The following NKAIN2 variants were observed in gnomAD, a reference collection of about 807,000 sequenced individuals.
NKAIN2 encodes sodium/potassium-transporting ATPase subunit beta-1-interacting protein 2.
A neutral mutation model predicts 32.6 loss-of-function variants in NKAIN2; 14 were observed. The observed-to-expected ratio is 0.43, with a 90% confidence interval of 0.28 to 0.67. NKAIN2 has a LOEUF of 0.67. Among genes scored for constraint, NKAIN2 ranks in the 30% least tolerant of loss-of-function variants. The probability of loss-of-function intolerance (pLI) is 0.17; values close to 1 mark genes in which losing one functional copy is unlikely to be tolerated. For synonymous variants in NKAIN2, 80 were observed against 87.2 expected, an observed-to-expected ratio of 0.92 and a Z score of 0.46; for missense variants, 198 against 258.3, an observed-to-expected ratio of 0.77 and a Z score of 1.60.
At chr6:124,015,253 A>G (rs1422332447) in intron 1 of NKAIN2, among the ~76,000 whole-genome samples, 1 of 152,200 alleles carries the variant, frequency 6.6e-6, no homozygotes, top group Admixed American at 6.5e-5. Flanking sequence ...TAAGCCAACC[A>G]TTATTAATCC....
chr6:123,909,551 T>C (rs922394147), intron 1 of NKAIN2, among the ~76,000 whole-genome samples: 1 of 152,152 alleles, frequency 6.6e-6, no homozygotes, highest in Admixed American at 6.5e-5. Flanking sequence ...TGCTTCTTCC[T>C]CTATAGGGAC....
chr6:124,162,164 C>T (rs1788313455), intron 1 of NKAIN2, among the ~76,000 whole-genome samples: 1 of 151,866 alleles, frequency 6.6e-6, no homozygotes. Context: ...CATCAGTGCC[C>T]TTGGTGGTGA....
At chr6:124,218,580 C>T (rs1284427129) in intron 1 of NKAIN2, among the ~76,000 whole-genome samples, 1 of 152,136 alleles carries the variant, frequency 6.6e-6, no homozygotes, top group East Asian at 1.9e-4. Flanking sequence ...GAAAATCAGT[C>T]TACCAACTAC....
chr6:124,583,202 A>G (rs1404446486), intron 3 of NKAIN2, among the ~76,000 whole-genome samples: 2 of 146,396 alleles, frequency 1.4e-5, no homozygotes, highest in Middle Eastern at 3.2e-3. Context: ...GTATGATCTT[A>G]TAATTGGTAA....
intron 3 of NKAIN2, among the ~76,000 whole-genome samples, chr6:124,387,026 C>G (rs1291008758): frequency 6.6e-6 from 1 of 152,070 alleles, no homozygotes; most frequent in Non-Finnish European, 1.5e-5. Flanking sequence ...CAGAGTAGAT[C>G]CTTTTCATAC....
chr6:123,920,801 A>G (rs1397569251), intron 1 of NKAIN2, among the ~76,000 whole-genome samples: 3 of 152,236 alleles, frequency 2.0e-5, no homozygotes, highest in African/African-American at 4.8e-5. Flanking sequence ...CAAGAAATGA[A>G]TCATATCTGC....
At chr6:124,670,335 G>A (rs1001046277) in intron 4 of NKAIN2, among the ~76,000 whole-genome samples, 3 of 151,916 alleles carry the variant, frequency 2.0e-5, no homozygotes, top group African/African-American at 7.3e-5. Flanking sequence ...TCTTCCCTCT[G>A]TACAGATGAG....
At chr6:123,928,213 A>T (rs1198997461) in intron 1 of NKAIN2, among the ~76,000 whole-genome samples, 1 of 152,124 alleles carries the variant, frequency 6.6e-6, no homozygotes, top group Non-Finnish European at 1.5e-5. Flanking sequence ...GTACTCATGG[A>T]CATAAAGATG....
chr6:123,888,843 T>A (rs1014547491), intron 1 of NKAIN2, among the ~76,000 whole-genome samples: 2 of 152,184 alleles, frequency 1.3e-5, no homozygotes, highest in African/African-American at 4.8e-5. Context: ...AAAAACAGCC[T>A]GAGGCTTAAC....
chr6:124,079,504 T>C (rs1783851524), intron 1 of NKAIN2, among the ~76,000 whole-genome samples: 1 of 152,172 alleles, frequency 6.6e-6, no homozygotes, highest in Admixed American at 6.6e-5. Context: ...CCTGGGTATC[T>C]GTGTGTTTGT....
chr6:124,412,835 C>T (rs1774269670), intron 3 of NKAIN2, among the ~76,000 whole-genome samples: 1 of 152,214 alleles, frequency 6.6e-6, no homozygotes, highest in Non-Finnish European at 1.5e-5. Context: ...GTTCGAGCTT[C>T]CTGGCTGCTT....
chr6:124,425,210 C>A (rs139304662), intron 3 of NKAIN2, among the ~76,000 whole-genome samples: 3 of 152,002 alleles, frequency 2.0e-5, no homozygotes, highest in African/African-American at 7.2e-5. Context: ...GTTACATGAA[C>A]ATTGAAGAAA....
intron 3 of NKAIN2, among the ~76,000 whole-genome samples, chr6:124,558,065 A>G (rs893507057): frequency 6.6e-6 from 1 of 152,236 alleles, no homozygotes; most frequent in Non-Finnish European, 1.5e-5. Flanking sequence ...AAATCCATTA[A>G]CTGTTCTCTC....
At chr6:124,343,602 T>C (rs1798251372) in intron 2 of NKAIN2, among the ~76,000 whole-genome samples, 1 of 152,012 alleles carries the variant, frequency 6.6e-6, no homozygotes, top group Non-Finnish European at 1.5e-5. Flanking sequence ...CATGTTTTCA[T>C]GTGTCTTTTG....
At chr6:123,925,038 C>G (rs1034922699) in intron 1 of NKAIN2, among the ~76,000 whole-genome samples, 1 of 151,948 alleles carries the variant, frequency 6.6e-6, no homozygotes, top group East Asian at 1.9e-4. Flanking sequence ...TACCAGAATA[C>G]AATATTTCAG....
rs187307443 is a variant in NKAIN2, at chr6:124,698,389, T to C, written c.474+40003T>C. Among the ~76,000 whole-genome samples, 35 of 152,282 alleles carry C rather than the reference T, an allele frequency of 2.3e-4. No individual in the cohort carries two copies. The East Asian group carries it at 5.4e-3, about 24-fold the overall frequency. Reference sequence around the variant, plus strand: ...CAGCTCCAGGGAAAATATGAAAGGCTTGGGAAGGAGTAGTGAAAGTCTGTG... The same window carrying C: ...CAGCTCCAGGGAAAATATGAAAGGCCTGGGAAGGAGTAGTGAAAGTCTGTG... On this transcript the variant is annotated intron_variant, in intron 4 of 6. Coordinates refer to ENST00000368417, the MANE Select transcript of NKAIN2 (RefSeq NM_001040214.3).
At chr6:124,519,347 C>A (rs1047868221) in intron 3 of NKAIN2, among the ~76,000 whole-genome samples, 12 of 152,092 alleles carry the variant, frequency 7.9e-5, no homozygotes, top group Non-Finnish European at 1.6e-4. Context: ...TCCAGGCTGA[C>A]CATCAATGAG....
intron 3 of NKAIN2, among the ~76,000 whole-genome samples, chr6:124,515,325 G>A (rs1050205036): frequency 2.0e-5 from 3 of 151,904 alleles, no homozygotes; most frequent in African/African-American, 2.4e-5. Context: ...ATTTACATCC[G>A]GTGAGGGCCA....
At chr6:124,631,764 T>G (rs1276972272) in intron 3 of NKAIN2, among the ~76,000 whole-genome samples, 2 of 152,156 alleles carry the variant, frequency 1.3e-5, no homozygotes, top group Non-Finnish European at 2.9e-5. Flanking sequence ...TCCCACTTAT[T>G]TCTTTCTTCA....
Sources: allele counts gnomAD v4.1 joint callset (sites outside exome capture counted in the v4.1 genomes callset), GRCh38; gene constraint gnomAD v4.1.1; transcripts MANE v1.5; gene names NCBI Gene and HGNC (gene_info 2026-07-23, HGNC 2026-07-21).